Variants in DHX8 observed in about 807,000 individuals in gnomAD.
The protein encoded by DHX8 is ATP-dependent RNA helicase DHX8.
In DHX8, 67 loss-of-function variants were observed where a neutral mutation model predicts 140.7. The ratio of observed to expected loss-of-function variants is 0.48; its 90% CI spans 0.39 to 0.58. The LOEUF (loss-of-function observed/expected upper bound fraction) is 0.58, where lower values mean the gene tolerates loss of function less well. DHX8 is among the 20% of genes least tolerant of loss of function. DHX8 has a pLI of 0.00. For missense variants in DHX8, 887 were observed against 1,550.7 expected, an observed-to-expected ratio of 0.57 and a Z score of 7.19; for synonymous variants, 533 against 553.2, an observed-to-expected ratio of 0.96 and a Z score of 0.51.
rs1436710304 is a variant in DHX8 at position 43,517,208 on chromosome 17, C to A, written c.2685C>A (p.Gly895=). The change falls in exon 18 of 23, where the codon GGC becomes GGA. Residue 895 remains glycine, a synonymous_variant. Transcript: ENST00000262415. ...KQRAGRAGRT[G]PGKCYRLYTE... is the part of the protein sequence containing the mutation. Reference sequence around the variant, plus strand: ...GAGCTGGCAGAGCTGGGAGAACAGGCCCAGGGAAGTGTTACAGGTTGTACA... The same window carrying A: ...GAGCTGGCAGAGCTGGGAGAACAGGACCAGGGAAGTGTTACAGGTTGTACA... The A allele has an allele frequency of 1.2e-6, 2 of 1,613,880 alleles. No individual in the cohort carries two copies. The highest frequency in any genetic ancestry group is 1.7e-6 in the Non-Finnish European group (2 of 1,179,932).
chr17:43,521,291 TA>T lies in DHX8; in HGVS notation c.3067-77del, dbSNP rs2154586894. ...TGTGGACACTTTTGATAGGGTCTTG[TA>T]GGGCTCCCTAGAATTGCTCCATGTT... On this transcript the variant is annotated intron_variant, in intron 20 of 22. Transcript: ENST00000262415. The T allele has an allele frequency of 3.2e-6, 4 of 1,252,270 alleles. No homozygotes were observed. In the South Asian group the frequency reaches 4.3e-5, roughly 13 times the overall value. The allele number at this position is 1,252,270 out of a possible 1,614,324, so 77.6% of individuals were successfully genotyped here.
chr17:43,499,832 G>T, intron 10 of DHX8, 124 bp from the exon 11 acceptor site: 1 of 1,031,438 alleles, frequency 9.7e-7, no homozygotes, highest in Non-Finnish European at 1.4e-6. Flanking sequence ...CTTTCATATA[G>T]TCTGTTACAT....
intron 1 of DHX8, among the ~76,000 whole-genome samples, chr17:43,488,287 A>G (rs1968293460): frequency 7.9e-6 from 1 of 125,966 alleles, no homozygotes; most frequent in Non-Finnish European, 1.7e-5. Flanking sequence ...CAAAAAAAAG[A>G]AAAAAAAAAG....
rs1363300167 is a variant in DHX8 at position 43,524,399 on chromosome 17, CTG to C, written c.*555_*556del. ...GCTCAGGGTGAGGGAGATTTAGTAT[CTG>C]TGCTCTGGCACACATGATGAGAATC... On this transcript the variant is annotated 3_prime_UTR_variant, in exon 23 of 23. Coordinates refer to ENST00000262415, the MANE Select transcript of DHX8 (RefSeq NM_004941.3). 2.0e-6 allele frequency: 2 copies of C among 991,168 alleles called. No individual in the cohort carries two copies. Among genetic ancestry groups the C allele is most frequent in the East Asian group, 1.1e-4 (1 of 8,968 alleles). 61.4% of individuals were successfully genotyped at this position (991,168 alleles called of 1,614,324 possible).
At chr17:43,505,010 T>A (rs1335677085) in intron 12 of DHX8, among the ~76,000 whole-genome samples, 185 bp downstream of exon 12, 1 of 152,140 alleles carries the variant, frequency 6.6e-6, no homozygotes, top group Non-Finnish European at 1.5e-5. Context: ...GGCGCGGTAG[T>A]GGATGCCTAT....
At chr17:43,511,881 G>C (rs1384185608) in intron 16 of DHX8, among the ~76,000 whole-genome samples, 1 of 150,862 alleles carries the variant, frequency 6.6e-6, no homozygotes, top group Non-Finnish European at 1.5e-5. Flanking sequence ...AATCAGCCAG[G>C]CGTGGTGGCA....
chr17:43,490,616 G>A, intron 3 of DHX8, 153 bp downstream of exon 3: 1 of 646,494 alleles, frequency 1.5e-6, no homozygotes, highest in Non-Finnish European at 2.6e-6. Flanking sequence ...CTCACTGCTG[G>A]AATCCCAGCA....
intron 12 of DHX8, among the ~76,000 whole-genome samples, chr17:43,506,669 C>T (rs1969511489): frequency 6.6e-6 from 1 of 151,180 alleles, no homozygotes; most frequent in Non-Finnish European, 1.5e-5. Context: ...TGGATAGGCT[C>T]TGGTTTATTT....
chr17:43,507,388 C>T, intron 13 of DHX8, 115 bp from the exon 14 acceptor site: 1 of 1,139,060 alleles, frequency 8.8e-7, no homozygotes, highest in Non-Finnish European at 1.2e-6. Flanking sequence ...AATTACTGTA[C>T]ATCTTGATCA....
At chr17:43,530,890 C>T (rs1018926924), downstream of DHX8, among the ~76,000 whole-genome samples, 1 of 151,864 alleles carries the variant, frequency 6.6e-6, no homozygotes, top group Non-Finnish European at 1.5e-5. Context: ...CGGGAGGAGG[C>T]GGGAGGGTGG....
At chr17:43,504,935 C>A in intron 12 of DHX8, 110 bp downstream of exon 12, 1 of 1,033,966 alleles carries the variant, frequency 9.7e-7, no homozygotes. Flanking sequence ...CTTGAAGTGG[C>A]TCATCCAAAA....
chr17:43,489,339 CTT>C, intron 1 of DHX8, 108 bp from the exon 2 acceptor site: 1 of 734,750 alleles, frequency 1.4e-6, no homozygotes, highest in Non-Finnish European at 2.3e-6. Flanking sequence ...AGATGGTGGT[CTT>C]TGTTTTTTAT....
intron 17 of DHX8, among the ~76,000 whole-genome samples, chr17:43,516,168 T>A (rs1598169241): frequency 6.6e-6 from 1 of 152,182 alleles, no homozygotes. Flanking sequence ...CAGTTTTGTA[T>A]ATTTTTTTGA....
intron 17 of DHX8, among the ~76,000 whole-genome samples, chr17:43,515,436 C>T (rs141330291): frequency 2.0e-5 from 3 of 152,354 alleles, no homozygotes; most frequent in Non-Finnish European, 2.9e-5. Context: ...ATCCACCCGC[C>T]TCAGCCTTCC....
downstream of DHX8, chr17:43,529,758 G>T: frequency 6.3e-7 from 1 of 1,590,010 alleles, no homozygotes; most frequent in Non-Finnish European, 8.6e-7. Flanking sequence ...GGGATTTCTC[G>T]AAGGGGTCTC....
intron 12 of DHX8, among the ~76,000 whole-genome samples, chr17:43,506,200 C>T (rs1969485900): frequency 6.6e-6 from 1 of 151,812 alleles, no homozygotes; most frequent in African/African-American, 2.4e-5. Context: ...GAGATGCGGT[C>T]TCACTATATT....
At chr17:43,530,174 G>A (rs1196983273), downstream of DHX8, 5 of 1,555,334 alleles carry the variant, frequency 3.2e-6, no homozygotes, top group Non-Finnish European at 1.7e-6. Flanking sequence ...ATGCGCACCC[G>A]GTGACATCTG....
intron 8 of DHX8, among the ~76,000 whole-genome samples, chr17:43,495,418 T>C (rs28636996): frequency 0.22 from 33,736 of 152,054 alleles, 3,991 homozygotes; most frequent in East Asian, 0.32. Context: ...AGCTGTGACC[T>C]CAGGCACATG....
downstream of DHX8, chr17:43,529,332 G>T (rs958222166): frequency 4.9e-6 from 7 of 1,430,864 alleles, no homozygotes; most frequent in Non-Finnish European, 6.9e-6. Flanking sequence ...TTGGTGCAAA[G>T]TGCCAAGCTA....
Sources: allele counts gnomAD v4.1 joint callset (sites outside exome capture counted in the v4.1 genomes callset), GRCh38; gene constraint gnomAD v4.1.1; transcripts MANE v1.5; gene names NCBI Gene and HGNC (gene_info 2026-07-23, HGNC 2026-07-21).